The following WWOX variants were observed in gnomAD, a reference collection of about 807,000 sequenced individuals.
WWOX encodes the protein WW domain containing oxidoreductase, also known as WW domain-containing oxidoreductase.
In WWOX, 69 loss-of-function variants were observed where a neutral mutation model predicts 46.2. The observed-to-expected ratio is 1.49, with a 90% CI of 1.23 to 1.82. The LOEUF is 1.82. Ranked by LOEUF, WWOX falls within the 40% of genes most tolerant of loss-of-function variation. The pLI, the probability that WWOX is intolerant of heterozygous loss-of-function variation, is 0.00. For synonymous variants in WWOX, 359 were observed against 202.6 expected, an observed-to-expected ratio of 1.77 and a Z score of -6.56; for missense variants, 919 against 542.6, an observed-to-expected ratio of 1.69 and a Z score of -6.89.
intron 8 of WWOX, among the ~76,000 whole-genome samples, chr16:78,592,162 A>C (rs1280055946): frequency 6.6e-6 from 1 of 152,218 alleles, no homozygotes; most frequent in Non-Finnish European, 1.5e-5. Context: ...GCATGGTACA[A>C]AAAAGGTCTG....
chr16:78,999,377 G>A (rs775334843), intron 8 of WWOX, among the ~76,000 whole-genome samples: 1 of 152,166 alleles, frequency 6.6e-6, no homozygotes, highest in African/African-American at 2.4e-5. Context: ...GGCTGAGGCA[G>A]GAGAATCGCT....
intron 8 of WWOX, among the ~76,000 whole-genome samples, chr16:78,664,741 C>T (rs2047291321): frequency 6.6e-6 from 1 of 152,268 alleles, no homozygotes; most frequent in East Asian, 1.9e-4. Context: ...AATTAGGCTC[C>T]TTGAGGCTCA....
chr16:78,374,780 G>T (rs1222206896), intron 5 of WWOX, among the ~76,000 whole-genome samples: 1 of 151,980 alleles, frequency 6.6e-6, no homozygotes, highest in African/African-American at 2.4e-5. Flanking sequence ...TTGATCTCCT[G>T]ACCTTGTGGT....
At chr16:78,450,678 C>G (rs561021815) in intron 8 of WWOX, among the ~76,000 whole-genome samples, 10 of 151,968 alleles carry the variant, frequency 6.6e-5, no homozygotes, top group Non-Finnish European at 1.3e-4. Context: ...GTTTTTTGAT[C>G]TTAGAACATA....
At chr16:78,365,384 T>A (rs541817402) in intron 5 of WWOX, among the ~76,000 whole-genome samples, 1 of 152,204 alleles carries the variant, frequency 6.6e-6, no homozygotes, top group Non-Finnish European at 1.5e-5. Context: ...TTGAGAAATA[T>A]TTACATCCGT....
At chr16:78,900,026 A>G (rs2151240325) in intron 8 of WWOX, among the ~76,000 whole-genome samples, 1 of 150,558 alleles carries the variant, frequency 6.6e-6, no homozygotes, top group South Asian at 2.1e-4. Flanking sequence ...GGCTACCAAA[A>G]CGGAGATGTG....
intron 8 of WWOX, among the ~76,000 whole-genome samples, chr16:79,073,947 A>C (rs2048600403): frequency 1.3e-5 from 2 of 151,912 alleles, no homozygotes; most frequent in Non-Finnish European, 2.9e-5. Context: ...TGTTTTTTTA[A>C]AATCTCTTCT....
intron 8 of WWOX, among the ~76,000 whole-genome samples, chr16:78,611,444 G>A (rs1488809199): frequency 6.6e-6 from 1 of 152,172 alleles, no homozygotes; most frequent in East Asian, 1.9e-4. Flanking sequence ...GCATTTTATT[G>A]TGTGAAATGA....
At chr16:78,622,805 G>C (rs1456647259) in intron 8 of WWOX, among the ~76,000 whole-genome samples, 1 of 152,222 alleles carries the variant, frequency 6.6e-6, no homozygotes, top group Non-Finnish European at 1.5e-5. Context: ...TCTTACATGA[G>C]ACAGATTTTG....
At chr16:79,053,389 C>T (rs1346873564) in intron 8 of WWOX, among the ~76,000 whole-genome samples, 2 of 152,118 alleles carry the variant, frequency 1.3e-5, no homozygotes, top group South Asian at 2.1e-4. Context: ...AGAAACAATC[C>T]TGGAGTGAAT....
intron 8 of WWOX, among the ~76,000 whole-genome samples, chr16:79,192,635 C>T (rs1019346290): frequency 3.9e-5 from 6 of 152,282 alleles, no homozygotes; most frequent in Admixed American, 2.6e-4. Flanking sequence ...TTGTGTGGCC[C>T]TATGCTTACA....
intron 8 of WWOX, among the ~76,000 whole-genome samples, chr16:78,880,537 A>G (rs913619275): frequency 2.6e-5 from 4 of 152,276 alleles, no homozygotes; most frequent in African/African-American, 9.6e-5. Context: ...TAAGATGAAC[A>G]TTAAACAAAC....
At chr16:78,152,531 C>G (rs995236071) in intron 4 of WWOX, among the ~76,000 whole-genome samples, 2 of 152,190 alleles carry the variant, frequency 1.3e-5, no homozygotes. Flanking sequence ...ATGAAGTTGC[C>G]TGGTTGCCCC....
intron 6 of WWOX, among the ~76,000 whole-genome samples, chr16:78,404,167 G>A (rs151308576): frequency 1.1e-3 from 164 of 152,166 alleles, no homozygotes; most frequent in African/African-American, 3.6e-3. Context: ...GGTAACAGAG[G>A]GAGGGACTCG....
At chr16:78,893,639 C>T (rs1007619939) in intron 8 of WWOX, among the ~76,000 whole-genome samples, 1 of 152,140 alleles carries the variant, frequency 6.6e-6, no homozygotes, top group Non-Finnish European at 1.5e-5. Context: ...TTGTTGTTTT[C>T]TTCCTTGCCT....
In WWOX at chr16:78,885,191, AC is replaced by A. The variant is rs563700945; in HGVS notation, c.1057-326416del. 1.0e-2 allele frequency among the ~76,000 whole-genome samples: 1,347 copies of A among 135,360 alleles called. 17 individuals are homozygous for A. Among genetic ancestry groups the A allele is most frequent in the African/African-American group, 0.035 (1,266 of 35,738 alleles). The allele number at this position is 135,360 out of a possible 152,430, so 88.8% of individuals were successfully genotyped here. ...TGCGGGGGACTACCAATCACTCTCT[AC>A]TTTTTTTTTTTTTTTTTAATAGGTC... On this transcript the variant is annotated intron_variant, in intron 8 of 8. Coordinates refer to ENST00000566780, the MANE Select transcript of WWOX (RefSeq NM_016373.4).
chr16:78,696,757 C>G (rs918029777), intron 8 of WWOX, among the ~76,000 whole-genome samples: 1 of 151,920 alleles, frequency 6.6e-6, no homozygotes, highest in African/African-American at 2.4e-5. Context: ...TTTGGTGCAC[C>G]CATCACTCGA....
chr16:78,761,805 C>T (rs115286610), intron 8 of WWOX, among the ~76,000 whole-genome samples: 1 of 152,076 alleles, frequency 6.6e-6, no homozygotes, highest in African/African-American at 2.4e-5. Flanking sequence ...TGTCAACACA[C>T]TTAGGAGAGA....
intron 8 of WWOX, among the ~76,000 whole-genome samples, chr16:78,863,052 A>G (rs1195144758): frequency 1.4e-5 from 2 of 146,218 alleles, no homozygotes; most frequent in African/African-American, 5.1e-5. Context: ...TCTGCCTCCC[A>G]GGTTCAAGCG....
Sources: allele counts gnomAD v4.1 joint callset (sites outside exome capture counted in the v4.1 genomes callset), GRCh38; gene constraint gnomAD v4.1.1; transcripts MANE v1.5; gene names NCBI Gene and HGNC (gene_info 2026-07-23, HGNC 2026-07-21).